CLDN20: variants seen among roughly 807,000 people sequenced by gnomAD.
CLDN20 encodes the protein claudin-20.
For synonymous variants in CLDN20, 104 were observed against 103.6 expected, an observed-to-expected ratio of 1.00 and a Z score of -0.03; for missense variants, 258 against 267.9, an observed-to-expected ratio of 0.96 and a Z score of 0.26.
intron 1 of CLDN20, among the ~76,000 whole-genome samples, chr6:155,272,585 A>C (rs1485834657): frequency 1.3e-5 from 2 of 152,040 alleles, no homozygotes; most frequent in Admixed American, 1.3e-4. Context: ...AAATTTTGAG[A>C]GAACAGGCCA....
Position 155,276,250 on chromosome 6 carries a change from T to G in CLDN20, c.531T>G (p.Ser177=), listed in dbSNP as rs1785208053. Residue 177 remains serine (S), a synonymous_variant, in exon 2 of 2, where the codon TCT becomes TCG. Transcript: ENST00000367165. ...TTTCTGCAATGCTGTTGTTTATCTC[T>G]GGCATGATTTTCTGCACCTCCTGTA... The part of the protein sequence containing the change: ...GFISAMLLFI[S]GMIFCTSCIK... 6.2e-7 allele frequency: 1 copy of G among 1,614,048 alleles called. No individual in the cohort carries two copies. The highest frequency in any genetic ancestry group is 1.7e-5 in the Admixed American group (1 of 60,012).
At chr6:155,274,678 T>G (rs528714449) in intron 1 of CLDN20, among the ~76,000 whole-genome samples, 1 of 152,220 alleles carries the variant, frequency 6.6e-6, no homozygotes, top group Admixed American at 6.5e-5. Context: ...AGTCAGGATT[T>G]TGCAAACAGG....
Position 155,267,223 on chromosome 6 carries a change from C to T in CLDN20, c.-105+2935C>T, listed in dbSNP as rs142939056. ...CTTCTGGCCGCAAGCAATCCACCTG[C>T]CTTGGCCTCCCAAAGTGTTGGGATT... On this transcript the variant is annotated intron_variant, in intron 1 of 1. Transcript: ENST00000367165. 7.1e-3 allele frequency among the ~76,000 whole-genome samples: 1,086 copies of T among 152,284 alleles called. 13 individuals carry two copies. The highest frequency in any genetic ancestry group is 0.025 in the African/African-American group (1,024 of 41,560).
intron 1 of CLDN20, among the ~76,000 whole-genome samples, chr6:155,271,793 CATT>C (rs1784932462): frequency 6.6e-6 from 1 of 152,126 alleles, no homozygotes; most frequent in Non-Finnish European, 1.5e-5. Flanking sequence ...GTGACTAAAA[CATT>C]ATATTAAAAG....
At position 155,276,343 on chromosome 6, in the gene CLDN20, G is replaced by C. The variant is rs1380225228; in HGVS notation, c.624G>C (p.Glu208Asp). The change falls in exon 2 of 2, where the codon GAG (glutamate) becomes GAC (aspartate). Residue 208 changes from glutamate (E) to aspartate (D), a missense_variant. Glu to Asp is a conservative substitution (Grantham distance 45). Transcript: ENST00000367165. Reference protein sequence around the residue: ...TQQPISNTQLENNSTHNLKDY... With the variant: ...TQQPISNTQLDNNSTHNLKDY... ...AGCCTATCTCTAACACACAGCTCGA[G>C]AACAATTCCACACACAATCTGAAGG... 6 of 1,613,154 alleles carry C rather than the reference G, an allele frequency of 3.7e-6. No homozygotes were observed. The highest frequency in any genetic ancestry group is 5.1e-6 in the Non-Finnish European group (6 of 1,180,000).
rs1424748573 is a variant in CLDN20 at position 155,275,705 on chromosome 6, C to T, written c.-15C>T. 1 of 1,604,330 alleles carries T rather than the reference C, an allele frequency of 6.2e-7. No homozygotes were observed. The highest frequency in any genetic ancestry group is 1.7e-5 in the Admixed American group (1 of 59,404). On this transcript the variant is annotated 5_prime_UTR_variant, in exon 2 of 2. Transcript: ENST00000367165. ...CATCAGGATTTTCTAAGAGGACAGACTTAACAGTAACATCATGGCCTCAGC... is the reference window on the plus strand; with the variant it reads ...CATCAGGATTTTCTAAGAGGACAGATTTAACAGTAACATCATGGCCTCAGC...
In CLDN20 at chr6:155,276,505, T is replaced by A; in HGVS notation, c.*126T>A. 2 of 854,134 alleles carry A rather than the reference T, an allele frequency of 2.3e-6. No individual in the cohort carries two copies. The highest frequency in any genetic ancestry group is 3.6e-6 in the Non-Finnish European group (2 of 555,276). 52.9% of individuals were successfully genotyped at this position (854,134 alleles called of 1,614,324 possible). ...GTAGAATGTAAAATACTTTAACAAC[T>A]ACAAAGTAGTTTAAAATGCCAATAA... On this transcript the variant is annotated 3_prime_UTR_variant, in exon 2 of 2. Transcript: ENST00000367165.
chr6:155,276,249 C>T lies in CLDN20; in HGVS notation c.530C>T (p.Ser177Phe), dbSNP rs1260733312. 1.2e-6 allele frequency: 2 copies of T among 1,614,006 alleles called. No homozygotes were observed. Among genetic ancestry groups the T allele is most frequent in the Non-Finnish European group, 1.7e-6 (2 of 1,180,040 alleles). ...ATTTCTGCAATGCTGTTGTTTATCT[C>T]TGGCATGATTTTCTGCACCTCCTGT... is the stretch of plus-strand genomic sequence containing the variant. ...GFISAMLLFI[S>F]GMIFCTSCIK... is the part of the protein sequence containing the mutation. The change falls in exon 2 of 2, where the codon TCT becomes TTT. Residue 177 changes from serine to phenylalanine, a missense_variant. Coordinates refer to ENST00000367165, the MANE Select transcript of CLDN20 (RefSeq NM_001001346.3).
At position 155,275,856 on chromosome 6, in the gene CLDN20, A is replaced by G. The variant is rs375461196; in HGVS notation, c.137A>G (p.Gln46Arg). ...VDSNIITAIV[Q>R]LHGLWMDCTW... is the part of the protein sequence containing the mutation. ...TCCAACATCATAACAGCCATTGTAC[A>G]GCTGCACGGGCTCTGGATGGACTGT... Residue 46 changes from glutamine to arginine, a missense_variant, in exon 2 of 2, where the codon CAG (glutamine) becomes CGG (arginine). Transcript: ENST00000367165. The G allele has an allele frequency of 1.3e-4, 207 of 1,614,014 alleles. No homozygotes were observed. The highest frequency in any genetic ancestry group is 2.0e-5 in the Non-Finnish European group (24 of 1,180,034).
intron 1 of CLDN20, among the ~76,000 whole-genome samples, chr6:155,275,257 T>C (rs1019999381): frequency 3.9e-5 from 6 of 152,250 alleles, no homozygotes; most frequent in East Asian, 1.9e-4. Context: ...TAAAATCATT[T>C]GAAAAACCTA....
intron 1 of CLDN20, among the ~76,000 whole-genome samples, chr6:155,270,618 C>T (rs558693738): frequency 1.3e-5 from 2 of 152,200 alleles, no homozygotes; most frequent in African/African-American, 2.4e-5. Context: ...TAGAAATGTA[C>T]ATTAAATGTA....
chr6:155,271,021 T>C (rs1276510346), intron 1 of CLDN20, among the ~76,000 whole-genome samples: 1 of 152,172 alleles, frequency 6.6e-6, no homozygotes, highest in African/African-American at 2.4e-5. Context: ...CCACAGATGT[T>C]AGACTTAGAA....
At chr6:155,265,718 TATATA>T (rs1432741120) in intron 1 of CLDN20, among the ~76,000 whole-genome samples, 1 of 146,198 alleles carries the variant, frequency 6.8e-6, no homozygotes, top group Non-Finnish European at 1.5e-5. Context: ...AATATATTTA[TATATA>T]ATATAAATAT....
Position 155,275,608 on chromosome 6 carries a change from T to G in CLDN20, c.-104-8T>G, listed in dbSNP as rs1785152688. 1 of 1,152,518 alleles carries G rather than the reference T, an allele frequency of 8.7e-7. No homozygotes were observed. The allele number at this position is 1,152,518 out of a possible 1,614,324, so 71.4% of individuals were successfully genotyped here. ...TCGCTCAATCCTGGTTTTGCCTTTT[T>G]TCCTTAGGCTTTGTTATTTGGTTCT... On this transcript the variant is annotated splice_region_variant and splice_polypyrimidine_tract_variant and intron_variant, in intron 1 of 1. Coordinates refer to ENST00000367165, the MANE Select transcript of CLDN20 (RefSeq NM_001001346.3).
Position 155,276,524 on chromosome 6 carries a change from C to A in CLDN20, c.*145C>A. 2.9e-6 allele frequency: 2 copies of A among 689,644 alleles called. No homozygotes were observed. The highest frequency in any genetic ancestry group is 2.4e-6 in the Non-Finnish European group (1 of 410,900). The allele number at this position is 689,644 out of a possible 1,614,324, so 42.7% of individuals were successfully genotyped here. A position where few individuals can be genotyped will look rare whatever the true frequency, so the allele number is the denominator to read the frequency against. Reference sequence around the variant, plus strand: ...AACAACTACAAAGTAGTTTAAAATGCCAATAAAACTATCATATACAATTAC... The same window carrying A: ...AACAACTACAAAGTAGTTTAAAATGACAATAAAACTATCATATACAATTAC... On this transcript the variant is annotated 3_prime_UTR_variant, in exon 2 of 2. Coordinates refer to ENST00000367165, the MANE Select transcript of CLDN20 (RefSeq NM_001001346.3).
At chr6:155,275,035 G>A (rs1397674260) in intron 1 of CLDN20, among the ~76,000 whole-genome samples, 4 of 151,866 alleles carry the variant, frequency 2.6e-5, no homozygotes. Context: ...TGGCTAACAG[G>A]GTGAAACCCC....
chr6:155,268,946 TA>T (rs1204779447), intron 1 of CLDN20, among the ~76,000 whole-genome samples: 148 of 46,368 alleles, frequency 3.2e-3, no homozygotes, highest in Middle Eastern at 0.026. Context: ...AATGATCAAT[TA>T]AAAAAAAAAA....
At chr6:155,269,666 T>A (rs1353265492) in intron 1 of CLDN20, among the ~76,000 whole-genome samples, 1 of 152,156 alleles carries the variant, frequency 6.6e-6, no homozygotes, top group East Asian at 1.9e-4. Context: ...AGGTTTGTCT[T>A]GAGAATTAAG....
intron 1 of CLDN20, among the ~76,000 whole-genome samples, chr6:155,264,908 T>G (rs1396546069): frequency 6.6e-6 from 1 of 152,186 alleles, no homozygotes; most frequent in Non-Finnish European, 1.5e-5. Flanking sequence ...CCCAAGAGAT[T>G]AAACAATTTC....
Sources: gnomAD v4.1 joint callset for allele counts (sites outside exome capture counted in the v4.1 genomes callset) on GRCh38, gnomAD v4.1.1 for gene constraint, MANE v1.5 for transcripts, NCBI Gene and HGNC (gene_info 2026-07-23, HGNC 2026-07-21) for gene names.